RUNX1T1: variants seen among roughly 807,000 people sequenced by gnomAD.
RUNX1T1 encodes the protein protein CBFA2T1.
Under a neutral mutation model 62.8 loss-of-function variants are expected in RUNX1T1, and 4 were observed. The observed-to-expected ratio is 0.06, with a 90% confidence interval of 0.03 to 0.15. RUNX1T1 has a LOEUF of 0.15. Ranked by LOEUF, RUNX1T1 falls within the 10% of genes least tolerant of loss-of-function variation. The pLI is 1.00. For synonymous variants in RUNX1T1, 291 were observed against 286.0 expected (o/e 1.02, Z -0.18); for missense variants, 508 against 754.3 (o/e 0.67, Z 3.82).
In RUNX1T1 at chr8:91,970,043, T is replaced by TGTGTGTGTTGTGTG. The variant is rs11374252; in HGVS notation, c.1458+614_1458+615insCACACAACACACAC. ...CTGTGTGTGTGTGTGTGTGTGTGTGTTGTGTGTGTGTGTGTGAGAATTATT... is the reference window on the plus strand; with the variant it reads ...CTGTGTGTGTGTGTGTGTGTGTGTGTGTGTGTGTTGTGTGTGTGTGTGTGTGTGTGAGAATTATT... On this transcript the variant is annotated intron_variant, in intron 10 of 10. Transcript: ENST00000396218. Among the ~76,000 whole-genome samples the TGTGTGTGTTGTGTG allele has an allele frequency of 8.6e-4, 123 of 142,808 alleles. No individual in the cohort carries two copies. In the East Asian group the frequency reaches 0.011, roughly 13 times the overall value. 93.7% of individuals were successfully genotyped at this position (142,808 alleles called of 152,430 possible). A position where few individuals can be genotyped will look rare whatever the true frequency, so the allele number is the denominator to read the frequency against.
intron 10 of RUNX1T1, 45 bp from the exon 12 acceptor site, chr8:91,960,562 T>G (rs1482282634): frequency 6.3e-7 from 1 of 1,585,260 alleles, no homozygotes; most frequent in Admixed American, 1.7e-5. Context: ...GTTAATACAC[T>G]GTTAAGACAA....
intron 1 of RUNX1T1, among the ~76,000 whole-genome samples, chr8:92,039,143 TG>T (rs1458823192): frequency 5.5e-4 from 76 of 138,522 alleles, no homozygotes; most frequent in African/African-American, 1.8e-3. Flanking sequence ...TTTTTGTTGT[TG>T]TTTTTTTTTT....
chr8:92,034,235 A>G (rs1826827400), intron 1 of RUNX1T1, among the ~76,000 whole-genome samples: 2 of 152,176 alleles, frequency 1.3e-5, no homozygotes, highest in African/African-American at 2.4e-5. Context: ...TTTTAGTAAG[A>G]AAAAGGTCCA....
chr8:92,060,111 C>T (rs1045056895), intron 1 of RUNX1T1, among the ~76,000 whole-genome samples: 3 of 152,080 alleles, frequency 2.0e-5, no homozygotes, highest in African/African-American at 7.2e-5. Context: ...TGCCCAAGGT[C>T]TCCCAGCCTT....
At chr8:91,959,674 C>G in exon 11 of RUNX1T1, 1 of 228,052 alleles carries the variant, frequency 4.4e-6, no homozygotes, top group Non-Finnish European at 8.8e-6. Flanking sequence ...CAATCTGCTG[C>G]ACATCTGCGC....
chr8:91,975,691 A>C (rs978068373), intron 9 of RUNX1T1, among the ~76,000 whole-genome samples: 1 of 152,188 alleles, frequency 6.6e-6, no homozygotes, highest in African/African-American at 2.4e-5. Context: ...AAACTGGCAG[A>C]TGTTACTAAA....
chr8:92,046,730 T>C (rs1457598707), intron 1 of RUNX1T1, among the ~76,000 whole-genome samples: 1 of 152,170 alleles, frequency 6.6e-6, no homozygotes, highest in East Asian at 1.9e-4. Context: ...TTTGGGTATC[T>C]TATATCTAAA....
At chr8:92,065,460 C>G (rs1832735877), upstream of RUNX1T1, among the ~76,000 whole-genome samples, 1 of 152,176 alleles carries the variant, frequency 6.6e-6, no homozygotes, top group Non-Finnish European at 1.5e-5. Context: ...GAATTAAGAA[C>G]ACAGTCCATT....
At chr8:92,101,953 AG>A (rs1586047973), upstream of RUNX1T1, among the ~76,000 whole-genome samples, 1 of 152,252 alleles carries the variant, frequency 6.6e-6, no homozygotes, top group East Asian at 1.9e-4. Context: ...GCTTCACCAG[AG>A]GGGTTTCTGG....
At chr8:91,976,452 T>C (rs1274880730) in intron 8 of RUNX1T1, among the ~76,000 whole-genome samples, 1 of 152,028 alleles carries the variant, frequency 6.6e-6, no homozygotes, top group African/African-American at 2.4e-5. Flanking sequence ...CCAGTTCTCA[T>C]ACTTAATTCT....
At chr8:91,957,119 C>A (rs1424977303), downstream of RUNX1T1, 2 of 216,628 alleles carry the variant, frequency 9.2e-6, no homozygotes, top group Non-Finnish European at 9.3e-6. Context: ...CCATTCAATT[C>A]TATCCAATGA....
intron 10 of RUNX1T1, among the ~76,000 whole-genome samples, chr8:91,962,308 A>T (rs1246850405): frequency 6.6e-6 from 1 of 151,464 alleles, no homozygotes; most frequent in Non-Finnish European, 1.5e-5. Context: ...CGGAAAAACA[A>T]AACAAAAACA....
intron 1 of RUNX1T1, among the ~76,000 whole-genome samples, chr8:92,034,629 A>G (rs1826902735): frequency 7.2e-6 from 1 of 138,900 alleles, no homozygotes; most frequent in Non-Finnish European, 1.6e-5. Flanking sequence ...AATCAAACTA[A>G]GTATCCATCA....
intron 5 of RUNX1T1, among the ~76,000 whole-genome samples, chr8:92,002,852 A>G (rs987642277): frequency 3.9e-5 from 6 of 152,214 alleles, no homozygotes; most frequent in African/African-American, 1.4e-4. Context: ...ATATACAGAT[A>G]AATAACCAGA....
At chr8:92,046,398 C>T (rs1563838821) in intron 1 of RUNX1T1, among the ~76,000 whole-genome samples, 1 of 152,144 alleles carries the variant, frequency 6.6e-6, no homozygotes, top group African/African-American at 2.4e-5. Context: ...CTCACTATGT[C>T]ACCCAGGCTA....
At chr8:91,997,396 G>A (rs1012006794) in intron 5 of RUNX1T1, among the ~76,000 whole-genome samples, 1 of 152,006 alleles carries the variant, frequency 6.6e-6, no homozygotes, top group Non-Finnish European at 1.5e-5. Context: ...TATAAATATT[G>A]TTTTAGGGGA....
chr8:92,095,148 TTAAATG>T (rs1469473025), intron 1 of RUNX1T1: 1 of 1,535,436 alleles, frequency 6.5e-7, no homozygotes. Flanking sequence ...CTGCTAATCT[TTAAATG>T]TAAATTCTCT....
chr8:91,988,570 A>C (rs1262782462), intron 6 of RUNX1T1, among the ~76,000 whole-genome samples: 1 of 152,162 alleles, frequency 6.6e-6, no homozygotes, highest in Non-Finnish European at 1.5e-5. Context: ...GAAAGTGATA[A>C]GGATATAAAT....
chr8:91,990,096 G>C (rs1211851870), intron 6 of RUNX1T1, among the ~76,000 whole-genome samples: 2 of 152,076 alleles, frequency 1.3e-5, no homozygotes, highest in Non-Finnish European at 1.5e-5. Context: ...CCCTACACGT[G>C]GAGCCCCTGT....
Sources: gnomAD v4.1 joint callset for allele counts (sites outside exome capture counted in the v4.1 genomes callset) on GRCh38, gnomAD v4.1.1 for gene constraint, MANE v1.5 for transcripts, NCBI Gene and HGNC (gene_info 2026-07-23, HGNC 2026-07-21) for gene names.